The following KCNJ3 variants were observed in gnomAD, a reference collection of about 807,000 sequenced individuals.
KCNJ3 encodes the protein G protein-activated inward rectifier potassium channel 1.
In KCNJ3, 4 loss-of-function variants were observed where a neutral mutation model predicts 39.2. The ratio of observed to expected loss-of-function variants is 0.10; its 90% CI spans 0.05 to 0.23. The LOEUF (loss-of-function observed/expected upper bound fraction) is 0.23. KCNJ3 is among the 10% of genes least tolerant of loss of function. The pLI is 1.00. For synonymous variants in KCNJ3, 230 were observed against 237.4 expected (o/e 0.97, Z 0.29); for missense variants, 276 against 634.9 (o/e 0.43, Z 6.08).
chr2:154,782,791 G>A (rs879908921), intron 2 of KCNJ3, among the ~76,000 whole-genome samples: 4 of 152,132 alleles, frequency 2.6e-5, no homozygotes, highest in Non-Finnish European at 5.9e-5. Context: ...GTTGGCCGGA[G>A]TGTATACAAG....
intron 2 of KCNJ3, among the ~76,000 whole-genome samples, chr2:154,812,925 T>G (rs1200507020): frequency 6.6e-6 from 1 of 152,220 alleles, no homozygotes; most frequent in Non-Finnish European, 1.5e-5. Context: ...GCACTTTGTG[T>G]ATATCTTATA....
chr2:154,745,313 G>A (rs1558862626), intron 2 of KCNJ3, among the ~76,000 whole-genome samples: 1 of 151,934 alleles, frequency 6.6e-6, no homozygotes, highest in Non-Finnish European at 1.5e-5. Flanking sequence ...TGGAAAGACA[G>A]GTGCAAAAGT....
intron 2 of KCNJ3, among the ~76,000 whole-genome samples, chr2:154,778,338 A>G (rs1369815686): frequency 6.6e-6 from 1 of 152,196 alleles, no homozygotes; most frequent in Non-Finnish European, 1.5e-5. Context: ...GTGGTTGCCA[A>G]GATTACTGTA....
At chr2:154,784,713 T>C (rs10204588) in intron 2 of KCNJ3, among the ~76,000 whole-genome samples, 6,149 of 152,178 alleles carry the variant, frequency 0.04, 254 homozygotes, top group African/African-American at 0.11. Context: ...GTCAAAGTGG[T>C]GTTTTGGTAA....
intron 2 of KCNJ3, among the ~76,000 whole-genome samples, chr2:154,710,321 A>T (rs1685080713): frequency 6.6e-6 from 1 of 152,038 alleles, no homozygotes; most frequent in Admixed American, 6.6e-5. Flanking sequence ...CAGCATTTTA[A>T]TATCGAAGTG....
At chr2:154,831,919 T>A (rs923631290) in intron 2 of KCNJ3, among the ~76,000 whole-genome samples, 1 of 152,156 alleles carries the variant, frequency 6.6e-6, no homozygotes, top group Non-Finnish European at 1.5e-5. Flanking sequence ...AGCATTTGCT[T>A]CTGGTGAGGA....
chr2:154,781,971 T>C (rs1350894927), intron 2 of KCNJ3, among the ~76,000 whole-genome samples: 2 of 152,202 alleles, frequency 1.3e-5, no homozygotes, highest in African/African-American at 4.8e-5. Flanking sequence ...CTTAGAACTT[T>C]CTCATTTAAA....
intron 2 of KCNJ3, among the ~76,000 whole-genome samples, chr2:154,840,010 C>T (rs1249053215): frequency 6.6e-6 from 1 of 152,090 alleles, no homozygotes; most frequent in Non-Finnish European, 1.5e-5. Context: ...AAGTTCTTGC[C>T]CATTCCTGTG....
chr2:154,701,878 G>T (rs1390641811), intron 1 of KCNJ3, among the ~76,000 whole-genome samples: 1 of 151,976 alleles, frequency 6.6e-6, no homozygotes, highest in African/African-American at 2.4e-5. Flanking sequence ...AGCGTAGCTT[G>T]TTCAAAGTTA....
At chr2:154,831,688 A>T (rs767425344) in intron 2 of KCNJ3, among the ~76,000 whole-genome samples, 9 of 152,174 alleles carry the variant, frequency 5.9e-5, no homozygotes, top group Admixed American at 1.3e-4. Context: ...CAGAAAATTT[A>T]TGCAACGATA....
chr2:154,706,800 A>C lies in KCNJ3; in HGVS notation c.703-2803A>C, dbSNP rs116375267. Among the ~76,000 whole-genome samples, 1,241 of 152,244 alleles carry C rather than the reference A, an allele frequency of 8.2e-3. 12 individuals carry two copies. The highest frequency in any genetic ancestry group is 0.028 in the African/African-American group (1,162 of 41,560). ...GAGCATCAAAAGCATGTGACTGAACACTGCTAAGATAAGTTCGCTGTAGTC... is the reference window on the plus strand; with the variant it reads ...GAGCATCAAAAGCATGTGACTGAACCCTGCTAAGATAAGTTCGCTGTAGTC... On this transcript the variant is annotated intron_variant, in intron 1 of 2. Coordinates refer to ENST00000295101, the MANE Select transcript of KCNJ3 (RefSeq NM_002239.4).
Position 154,854,959 on chromosome 2 carries a change from T to C in KCNJ3, c.1152T>C (p.Asn384=), listed in dbSNP as rs754125723. The C allele has an allele frequency of 5.6e-6, 9 of 1,613,970 alleles. No individual in the cohort carries two copies. In the South Asian group the frequency reaches 9.9e-5, roughly 18 times the overall value. Residue 384 remains asparagine (N), a synonymous_variant, in exon 3 of 3, where the codon AAT becomes AAC. Coordinates refer to ENST00000295101, the MANE Select transcript of KCNJ3 (RefSeq NM_002239.4). ...TAACTAACAGCAAAGAAAGACATAA[T>C]TCTGTGGAATGCTTAGATGGACTAG... The part of the protein sequence containing the change: ...PAITNSKERH[N]SVECLDGLDD...
At chr2:154,701,468 T>A (rs564570741) in intron 1 of KCNJ3, among the ~76,000 whole-genome samples, 7 of 152,220 alleles carry the variant, frequency 4.6e-5, no homozygotes, top group Non-Finnish European at 1.0e-4. Context: ...TTAACCTATA[T>A]GTTAGTTTTT....
chr2:154,814,155 T>G (rs971590731), intron 2 of KCNJ3, among the ~76,000 whole-genome samples: 1 of 152,218 alleles, frequency 6.6e-6, no homozygotes, highest in Non-Finnish European at 1.5e-5. Flanking sequence ...AATTTTCTTT[T>G]TAAAACTAAA....
intron 2 of KCNJ3, among the ~76,000 whole-genome samples, chr2:154,843,674 T>G (rs1687617271): frequency 6.6e-6 from 1 of 152,192 alleles, no homozygotes; most frequent in South Asian, 2.1e-4. Flanking sequence ...CTTCACATTT[T>G]ATTTCATTGA....
intron 2 of KCNJ3, among the ~76,000 whole-genome samples, chr2:154,796,909 G>A (rs1293653845): frequency 6.6e-6 from 1 of 152,120 alleles, no homozygotes; most frequent in African/African-American, 2.4e-5. Flanking sequence ...GGCTATAGCT[G>A]GTTGAGCCAG....
At position 154,736,374 on chromosome 2, in the gene KCNJ3, T is replaced by TAAAAAAAAAAAAAAAAAAAAAAAAAAA. The variant is rs70983745; in HGVS notation, c.919+26569_919+26595dup. Among the ~76,000 whole-genome samples, 2 of 93,240 alleles carry TAAAAAAAAAAAAAAAAAAAAAAAAAAA rather than the reference T, an allele frequency of 2.1e-5. 1 individual carries two copies. The highest frequency in any genetic ancestry group is 7.8e-5 in the African/African-American group (2 of 25,626). 61.2% of individuals were successfully genotyped at this position (93,240 alleles called of 152,430 possible). Reference sequence around the variant, plus strand: ...AGAGAGTGACAGGAGTCACTAGTTCTAAAAAAAAAAAAAAAAAAAAAAAAA... The same window carrying TAAAAAAAAAAAAAAAAAAAAAAAAAAA: ...AGAGAGTGACAGGAGTCACTAGTTCTAAAAAAAAAAAAAAAAAAAAAAAAAAAAAAAAAAAAAAAAAAAAAAAAAAAA... On this transcript the variant is annotated intron_variant, in intron 2 of 2. Transcript: ENST00000295101.
intron 2 of KCNJ3, among the ~76,000 whole-genome samples, chr2:154,800,187 AG>A (rs1278630027): frequency 6.6e-6 from 1 of 152,184 alleles, no homozygotes; most frequent in African/African-American, 2.4e-5. Flanking sequence ...TTTGATTTAT[AG>A]GTTTGTGACC....
intron 2 of KCNJ3, among the ~76,000 whole-genome samples, chr2:154,830,252 A>C (rs1687340306): frequency 6.6e-6 from 1 of 151,910 alleles, no homozygotes; most frequent in African/African-American, 2.4e-5. Flanking sequence ...TTCAGGCAAT[A>C]AGGTTATTCA....
Sources: allele counts gnomAD v4.1 joint callset (sites outside exome capture counted in the v4.1 genomes callset), GRCh38; gene constraint gnomAD v4.1.1; transcripts MANE v1.5; gene names NCBI Gene and HGNC (gene_info 2026-07-23, HGNC 2026-07-21).